Variants in CP observed in about 807,000 individuals in gnomAD.
The protein encoded by CP is caeruloplasmin.
Under a neutral mutation model 122.4 loss-of-function variants are expected in CP, and 64 were observed. That is an observed-to-expected ratio of 0.52 (90% CI 0.43 to 0.64). CP has a LOEUF of 0.64. Ranked by LOEUF, CP falls within the 30% of genes least tolerant of loss-of-function variation. CP has a pLI of 0.00. For missense variants in CP, 1,167 were observed against 1,284.4 expected, an observed-to-expected ratio of 0.91 and a Z score of 1.40; for synonymous variants, 440 against 436.4, an observed-to-expected ratio of 1.01 and a Z score of -0.10.
Position 149,183,492 on chromosome 3 carries a change from G to A in CP, c.2399C>T (p.Ala800Val), listed in dbSNP as rs1284197862. 6.2e-7 allele frequency: 1 copy of A among 1,611,262 alleles called. No homozygotes were observed. The highest frequency in any genetic ancestry group is 8.5e-7 in the Non-Finnish European group (1 of 1,179,826). Reference protein sequence around the residue: ...STFRVPVERKAEEEHLGILGP... With the variant: ...STFRVPVERKVEEEHLGILGP... ...TAGAATTCCCAGATGTTCTTCTTCA[G>A]CTTTTCTCTCCACTGGAACACGGAA... The change falls in exon 13 of 19, where the codon GCT becomes GTT. Residue 800 changes from alanine to valine, a missense_variant. By Grantham distance (64) the Ala-to-Val change is moderately conservative. This residue lies in a region of CP where 525 missense variants were observed against 657.2 expected (regional missense o/e 0.80). Coordinates refer to ENST00000264613, the MANE Select transcript of CP (RefSeq NM_000096.4).
chr3:149,180,567 C>A (rs1725710975), intron 14 of CP, among the ~76,000 whole-genome samples: 1 of 152,180 alleles, frequency 6.6e-6, no homozygotes, highest in Non-Finnish European at 1.5e-5. Context: ...ACTAACCTGC[C>A]AGAGTCCAAC....
At chr3:149,176,005 A>G (rs1725393012) in intron 18 of CP, 12 of 511,320 alleles carry the variant, frequency 2.3e-5, no homozygotes, top group South Asian at 2.3e-4. Context: ...GTATAATTAC[A>G]CATTTGTATT....
intron 1 of CP, among the ~76,000 whole-genome samples, chr3:149,212,938 G>A (rs138784938): frequency 6.6e-6 from 1 of 152,284 alleles, no homozygotes; most frequent in Non-Finnish European, 1.5e-5. Flanking sequence ...AGGCATCATA[G>A]AAATGTAGTG....
Position 149,182,068 on chromosome 3 carries a change from G to A in CP, c.2491C>T (p.Pro831Ser), listed in dbSNP as rs779811076. The A allele has an allele frequency of 4.3e-5, 70 of 1,610,854 alleles. No homozygotes were observed. The highest frequency in any genetic ancestry group is 5.8e-5 in the Non-Finnish European group (68 of 1,178,820). ...ACCCCATGGGCATGTATTGAGTAGG[G>A]CCTTGTGGCCATGTTTTTAAAGATA... Reference protein sequence around the residue: ...KIIFKNMATRPYSIHAHGVQT... With the variant: ...KIIFKNMATRSYSIHAHGVQT... The change falls in exon 14 of 19, where the codon CCC becomes TCC. Residue 831 changes from proline to serine, a missense_variant. By Grantham distance (74) the Pro-to-Ser change is moderately conservative. Coordinates refer to ENST00000264613, the MANE Select transcript of CP (RefSeq NM_000096.4).
intron 9 of CP, among the ~76,000 whole-genome samples, chr3:149,192,806 C>T (rs1248072941): frequency 1.3e-5 from 2 of 151,778 alleles, no homozygotes; most frequent in African/African-American, 4.8e-5. Context: ...ATTAATTAAA[C>T]TATAAATTTA....
chr3:149,167,811 C>T (rs573577825), downstream of CP: 32 of 873,122 alleles, frequency 3.7e-5, no homozygotes, highest in East Asian at 1.5e-4. Context: ...TCTGTGCTTT[C>T]CTGCACAATC....
intron 6 of CP, among the ~76,000 whole-genome samples, chr3:149,203,109 T>C (rs1292815054): frequency 6.6e-6 from 1 of 151,950 alleles, no homozygotes; most frequent in Non-Finnish European, 1.5e-5. Flanking sequence ...GGTTTCACCG[T>C]GTTAGCCAGG....
Position 149,198,355 on chromosome 3 carries a change from A to T in CP, c.1713+12T>A. ...GAGATTGAACAATTTTTTTTTCCCCAGTTGGACTTACCTGTCTCCCATTTG... is the reference window on the plus strand; with the variant it reads ...GAGATTGAACAATTTTTTTTTCCCCTGTTGGACTTACCTGTCTCCCATTTG... On this transcript the variant is annotated intron_variant, in intron 9 of 18. Coordinates refer to ENST00000264613, the MANE Select transcript of CP (RefSeq NM_000096.4). 6.2e-7 allele frequency: 1 copy of T among 1,607,988 alleles called. No homozygotes were observed. The highest frequency in any genetic ancestry group is 1.1e-5 in the South Asian group (1 of 90,732).
intron 16 of CP, 78 bp downstream of exon 16, chr3:149,178,337 A>G (rs1297775393): frequency 1.7e-6 from 2 of 1,147,798 alleles, no homozygotes; most frequent in East Asian, 2.5e-5. Flanking sequence ...AAACAAATGA[A>G]TGGTCTCCAA....
intron 18 of CP, 84 bp downstream of exon 18, chr3:149,176,166 T>G: frequency 8.0e-7 from 1 of 1,254,826 alleles, no homozygotes; most frequent in Non-Finnish European, 1.2e-6. Flanking sequence ...TGATGCATCA[T>G]ATTGGGGGAA....
intron 5 of CP, among the ~76,000 whole-genome samples, chr3:149,165,110 T>C (rs959434280): frequency 3.9e-5 from 6 of 152,212 alleles, no homozygotes; most frequent in African/African-American, 1.4e-4. Flanking sequence ...TTGTCTCTAG[T>C]ACTATTGTGA....
At chr3:149,196,176 G>A (rs932555284) in intron 9 of CP, among the ~76,000 whole-genome samples, 1 of 152,138 alleles carries the variant, frequency 6.6e-6, no homozygotes, top group Non-Finnish European at 1.5e-5. Context: ...GTGATTCTGA[G>A]ACTGTTGTAT....
chr3:149,198,755 A>G (rs1476009028), intron 8 of CP, among the ~76,000 whole-genome samples, 177 bp from the exon 9 acceptor site: 1 of 152,242 alleles, frequency 6.6e-6, no homozygotes, highest in African/African-American at 2.4e-5. Context: ...TTGCATCCAG[A>G]TAGACTCTTC....
In CP at chr3:149,210,357, GGT is replaced by G. The variant is rs1189280257; in HGVS notation, c.415_416del (p.Thr139HisfsTer8). ...EHEGAIYPDNTTDFQRADDKV... is the reference protein window; with the variant it reads ...EHEGAIYPDNXTDFQRADDKV... Reference sequence around the variant, plus strand: ...TGTCATCTGCTCTTTGAAAATCTGTGGTGTTATCAGGGTAGATGGCCCCTAGG... The same window carrying G: ...TGTCATCTGCTCTTTGAAAATCTGTGGTTATCAGGGTAGATGGCCCCTAGG... On this transcript the variant is annotated frameshift_variant, in exon 3 of 19. Transcript: ENST00000264613. LOFTEE classifies it high-confidence loss of function. The G allele has an allele frequency of 6.2e-7, 1 of 1,613,994 alleles. No individual in the cohort carries two copies. The highest frequency in any genetic ancestry group is 8.5e-7 in the Non-Finnish European group (1 of 1,179,896).
chr3:149,212,098 C>T (rs1212691400), intron 2 of CP, among the ~76,000 whole-genome samples: 1 of 151,784 alleles, frequency 6.6e-6, no homozygotes, highest in African/African-American at 2.4e-5. Context: ...TCAAGACCAT[C>T]CTGGCTAACA....
chr3:149,202,364 T>G, intron 6 of CP, 123 bp from the exon 7 acceptor site: 4 of 1,231,558 alleles, frequency 3.2e-6, no homozygotes, highest in Non-Finnish European at 4.7e-6. Flanking sequence ...TTATCCATGA[T>G]TTATAGCAAT....
chr3:149,171,953 C>T (rs1441914737), downstream of CP: 1 of 649,602 alleles, frequency 1.5e-6, no homozygotes, highest in Admixed American at 2.2e-5. Context: ...GATCTGCCCA[C>T]CTCGGCCTCC....
intron 1 of CP, among the ~76,000 whole-genome samples, chr3:149,215,231 AT>A (rs1728389953): frequency 6.6e-6 from 1 of 152,220 alleles, no homozygotes; most frequent in Non-Finnish European, 1.5e-5. Flanking sequence ...ATCATGTCCT[AT>A]TTTGATAAAC....
intron 5 of CP, 114 bp from the exon 6 acceptor site, chr3:149,206,453 GCAA>G: frequency 8.4e-7 from 1 of 1,194,494 alleles, no homozygotes; most frequent in South Asian, 1.2e-5. Flanking sequence ...TAGACAGATA[GCAA>G]CAGTACTATA....
Sources: allele counts gnomAD v4.1 joint callset (sites outside exome capture counted in the v4.1 genomes callset), GRCh38; gene constraint gnomAD v4.1.1; regional missense constraint gnomAD v4.1.1; transcripts MANE v1.5; gene names NCBI Gene and HGNC (gene_info 2026-07-23, HGNC 2026-07-21).